The following TSHZ3 variants were observed in gnomAD, a reference collection of about 807,000 sequenced individuals.
TSHZ3 encodes the protein teashirt zinc finger homeobox 3.
Under a neutral mutation model 64.5 loss-of-function variants are expected in TSHZ3, and 10 were observed. The ratio of observed to expected loss-of-function variants is 0.16; its 90% CI spans 0.10 to 0.26. The LOEUF (loss-of-function observed/expected upper bound fraction) is 0.26, where lower values mean the gene tolerates loss of function less well. TSHZ3 is among the 10% of genes least tolerant of loss of function. The pLI is 1.00. For synonymous variants in TSHZ3, 608 were observed against 593.1 expected, an observed-to-expected ratio of 1.03 and a Z score of -0.36; for missense variants, 1,242 against 1,421.7, an observed-to-expected ratio of 0.87 and a Z score of 2.03.
exon 7 of TSHZ3, among the ~76,000 whole-genome samples, chr19:31,151,206 A>T (rs1974234098): frequency 6.6e-6 from 1 of 152,156 alleles, no homozygotes; most frequent in African/African-American, 2.4e-5. Flanking sequence ...GTGACGGGAA[A>T]AGGTTGGCTG....
At chr19:31,179,848 G>T (rs1974683172) in intron 5 of TSHZ3, among the ~76,000 whole-genome samples, 3 of 151,286 alleles carry the variant, frequency 2.0e-5, no homozygotes, top group Admixed American at 2.0e-4. Flanking sequence ...GGTGGTGGTG[G>T]TAGTAAAGAT....
At chr19:31,206,288 G>A (rs961400786) in intron 4 of TSHZ3, among the ~76,000 whole-genome samples, 1 of 151,566 alleles carries the variant, frequency 6.6e-6, no homozygotes, top group Admixed American at 6.6e-5. Context: ...TAGATGGATG[G>A]ATGGGTGAAT....
rs1974564281 is a variant in TSHZ3, at chr19:31,173,459, G to A, written n.810-17042C>T. 3.9e-5 allele frequency among the ~76,000 whole-genome samples: 6 copies of A among 152,094 alleles called. No individual in the cohort carries two copies. In the South Asian group the frequency reaches 1.2e-3, roughly 32 times the overall value. On this transcript the variant is annotated intron_variant and non_coding_transcript_variant, in intron 5 of 6. Transcript: ENST00000651361. ...GACTATACTGCACATTTAAAAATGA[G>A]GTCACATTAAGAATATGTCATCTAT...
At chr19:31,179,014 C>CTGA (rs760717001) in intron 5 of TSHZ3, among the ~76,000 whole-genome samples, 1,455 of 112,184 alleles carry the variant, frequency 0.013, 16 homozygotes, top group African/African-American at 0.03. Flanking sequence ...GCAGAAGGCA[C>CTGA]TGATGATGAT....
chr19:31,189,859 A>C (rs1057265400), intron 5 of TSHZ3, among the ~76,000 whole-genome samples: 1 of 152,060 alleles, frequency 6.6e-6, no homozygotes, highest in East Asian at 1.9e-4. Context: ...TAGTTCCTTA[A>C]GTTTCTCCTT....
chr19:31,208,634 AAG>A (rs1229264375), intron 4 of TSHZ3, among the ~76,000 whole-genome samples: 2 of 152,234 alleles, frequency 1.3e-5, no homozygotes, highest in Non-Finnish European at 2.9e-5. Flanking sequence ...ATAGGATTAG[AAG>A]AGTCATAGCA....
intron 5 of TSHZ3, among the ~76,000 whole-genome samples, chr19:31,158,306 C>T (rs892347258): frequency 1.3e-5 from 2 of 152,188 alleles, no homozygotes; most frequent in Admixed American, 6.5e-5. Context: ...ACAATTCATC[C>T]TATCCATGGC....
chr19:31,277,748 C>T lies in TSHZ3; in HGVS notation c.2045G>A (p.Ser682Asn), dbSNP rs767756055. 12 of 1,523,300 alleles carry T rather than the reference C, an allele frequency of 7.9e-6. No homozygotes were observed. Among genetic ancestry groups the T allele is most frequent in the Admixed American group, 6.7e-5 (3 of 44,978 alleles). 94.4% of individuals were successfully genotyped at this position (1,523,300 alleles called of 1,614,324 possible). The change falls in exon 2 of 2, where the codon AGC (serine) becomes AAC (asparagine). Residue 682 changes from serine (S) to asparagine (N), a missense_variant. This residue lies in a region of TSHZ3 where 550 missense variants were observed against 545.1 expected (regional missense o/e 1.01). Transcript: ENST00000240587. This position sits in a 1 kb window ranked among gnomAD's most constrained non-coding sequence, Gnocchi z 4.5. ...ATTCTCCACCGGCTCAGCGAGGGGG[C>T]TCCCATCCTTGCACCCATCCCGCGG... ...SPPRDGCKDGSPLAEPVENGK... is the reference protein window; with the variant it reads ...SPPRDGCKDGNPLAEPVENGK...
At position 31,276,816 on chromosome 19, in the gene TSHZ3, T is replaced by C; in HGVS notation, c.2977A>G (p.Ser993Gly). The C allele has an allele frequency of 6.2e-7, 1 of 1,614,228 alleles. No individual in the cohort carries two copies. The change falls in exon 2 of 2, where the codon AGT becomes GGT. Residue 993 changes from serine to glycine, a missense_variant. By Grantham distance (56) the Ser-to-Gly change is moderately conservative (BLOSUM62 0). This residue lies in a region of TSHZ3 where 126 missense variants were observed against 140.6 expected (regional missense o/e 0.90). Transcript: ENST00000240587. ...AAGCCTAAGTGTGACTCTAGGTGAC[T>C]GATGTACGTGGAAGGAGTCCTGATT... ...SQIRTPSTYISHLESHLGFRL... is the reference protein window; with the variant it reads ...SQIRTPSTYIGHLESHLGFRL...
chr19:31,330,096 T>C (rs957719539), intron 1 of TSHZ3, among the ~76,000 whole-genome samples: 1 of 152,058 alleles, frequency 6.6e-6, no homozygotes, highest in African/African-American at 2.4e-5. Flanking sequence ...CCTACTTTAT[T>C]TCCTTTCAAA....
chr19:31,209,815 G>T (rs913241392), intron 4 of TSHZ3, among the ~76,000 whole-genome samples: 1 of 152,050 alleles, frequency 6.6e-6, no homozygotes, highest in Non-Finnish European at 1.5e-5. Context: ...TGCAGTGAGG[G>T]TAATCCTGAC....
At chr19:31,203,625 A>C (rs553453310) in intron 5 of TSHZ3, among the ~76,000 whole-genome samples, 1 of 152,194 alleles carries the variant, frequency 6.6e-6, no homozygotes, top group African/African-American at 2.4e-5. Flanking sequence ...GTCACACCAC[A>C]CAGACCCAGT....
chr19:31,337,321 G>T (rs1917278206), intron 1 of TSHZ3, among the ~76,000 whole-genome samples: 1 of 152,092 alleles, frequency 6.6e-6, no homozygotes, highest in Non-Finnish European at 1.5e-5. Flanking sequence ...ACAAAACAAG[G>T]TTTCTTCCCA....
intron 5 of TSHZ3, among the ~76,000 whole-genome samples, chr19:31,168,639 T>A (rs1974490593): frequency 6.6e-6 from 1 of 152,142 alleles, no homozygotes; most frequent in Non-Finnish European, 1.5e-5. Context: ...AAGCTCAACG[T>A]CTTTTGGCAC....
At chr19:31,196,761 A>G (rs577103182) in intron 5 of TSHZ3, among the ~76,000 whole-genome samples, 1 of 152,158 alleles carries the variant, frequency 6.6e-6, no homozygotes, top group African/African-American at 2.4e-5. Flanking sequence ...CCAAGAAGGC[A>G]TAACAATCCT....
At chr19:31,264,236 G>C (rs948124367) in intron 1 of TSHZ3, among the ~76,000 whole-genome samples, 1 of 152,228 alleles carries the variant, frequency 6.6e-6, no homozygotes, top group African/African-American at 2.4e-5. Context: ...CCCTCAGCCA[G>C]TGACAGGCAG....
intron 1 of TSHZ3, among the ~76,000 whole-genome samples, chr19:31,326,203 C>G (rs963439760): frequency 6.6e-6 from 1 of 152,192 alleles, no homozygotes; most frequent in East Asian, 1.9e-4. Flanking sequence ...AATGGCAAAA[C>G]TGCAATTACT....
chr19:31,209,066 G>A (rs184206794), intron 4 of TSHZ3, among the ~76,000 whole-genome samples: 13 of 152,220 alleles, frequency 8.5e-5, no homozygotes, highest in East Asian at 3.9e-4. Flanking sequence ...TTTGCCAGAC[G>A]CCAGGTCCAA....
In TSHZ3 at chr19:31,278,809, C is replaced by T. The variant is rs374355143; in HGVS notation, c.984G>A (p.Leu328=). 4.8e-5 allele frequency: 77 copies of T among 1,614,036 alleles called. No homozygotes were observed. The highest frequency in any genetic ancestry group is 6.4e-5 in the Non-Finnish European group (75 of 1,180,044). Residue 328 remains leucine (L), a synonymous_variant, in exon 2 of 2, where the codon CTG becomes CTA. Coordinates refer to ENST00000240587, the MANE Select transcript of TSHZ3 (RefSeq NM_020856.4). The surrounding 1 kb of genome is among the most constrained non-coding windows in gnomAD (Gnocchi z 4.7). The stretch of plus-strand genomic sequence containing the variant: ...TGGAATCTGGGGAGCTGGGGAGCTC[C>T]AGCTCCAGGGAAGCTTTCTTCCGAG... The part of the protein sequence containing the change: ...PATRKKASLE[L]ELPSSPDSTG...
Sources: gnomAD v4.1 joint callset for allele counts (sites outside exome capture counted in the v4.1 genomes callset) on GRCh38, gnomAD v4.1.1 for gene constraint, gnomAD v4.1.1 regional missense constraint, Gnocchi (gnomAD v3.1) non-coding constraint, MANE v1.5 for transcripts, NCBI Gene and HGNC (gene_info 2026-07-23, HGNC 2026-07-21) for gene names.